The following AHDC1 variants were observed in gnomAD, a reference collection of about 807,000 sequenced individuals.
AHDC1 encodes the protein AT-hook DNA binding motif containing 1, also known as transcription factor Gibbin.
In AHDC1, 7 loss-of-function variants were observed where a neutral mutation model predicts 87.9. That is an observed-to-expected ratio of 0.08 (90% CI 0.05 to 0.15). The LOEUF (loss-of-function observed/expected upper bound fraction) is 0.15, where lower values mean the gene tolerates loss of function less well. Ranked by LOEUF, AHDC1 falls within the 10% of genes least tolerant of loss-of-function variation. The probability of loss-of-function intolerance (pLI) is 1.00; values close to 1 mark genes in which losing one functional copy is unlikely to be tolerated. For missense variants in AHDC1, 1,841 were observed against 2,253.2 expected, an observed-to-expected ratio of 0.82 and a Z score of 3.70; for synonymous variants, 1,051 against 1,006.8, an observed-to-expected ratio of 1.04 and a Z score of -0.83.
At chr1:27,584,702 C>T (rs754831800) in intron 3 of AHDC1, among the ~76,000 whole-genome samples, 1 of 152,128 alleles carries the variant, frequency 6.6e-6, no homozygotes, top group Non-Finnish European at 1.5e-5. Flanking sequence ...ACACTCCTAG[C>T]GAGGCACAGC....
intron 3 of AHDC1, among the ~76,000 whole-genome samples, chr1:27,559,626 T>G (rs2019977349): frequency 6.6e-6 from 1 of 152,244 alleles, no homozygotes; most frequent in African/African-American, 2.4e-5. Context: ...AACAGGTTAC[T>G]GACAATGCAG....
chr1:27,573,912 G>T (rs1266655741), intron 3 of AHDC1, among the ~76,000 whole-genome samples: 1 of 152,186 alleles, frequency 6.6e-6, no homozygotes, highest in East Asian at 1.9e-4. Context: ...CAACAAATGG[G>T]GCCTTGAGCT....
At position 27,576,646 on chromosome 1, in the gene AHDC1, T is replaced by C. The variant is rs185252410; in HGVS notation, c.-628-17763A>G. On this transcript the variant is annotated intron_variant, in intron 3 of 8. Coordinates refer to ENST00000673934, the MANE Select transcript of AHDC1 (RefSeq NM_001371928.1). ...TAACCACTGAACACAGTGTTCACCC[T>C]GACACAGGCAGGACAAGCATTGCTG... Among the ~76,000 whole-genome samples the C allele has an allele frequency of 4.1e-3, 621 of 152,338 alleles. 2 individuals carry two copies. The highest frequency in any genetic ancestry group is 6.7e-3 in the Non-Finnish European group (456 of 68,022).
chr1:27,565,249 C>A lies in AHDC1; in HGVS notation c.-628-6366G>T, dbSNP rs575244848. On this transcript the variant is annotated intron_variant, in intron 3 of 8. Coordinates refer to ENST00000673934, the MANE Select transcript of AHDC1 (RefSeq NM_001371928.1). The surrounding 1 kb of genome is among the most constrained non-coding windows in gnomAD (Gnocchi z 4.6). ...CCTCCCCCAGGCACCCCTACTCCCC[C>A]GCCTGGCCCCTTGGTGAGTAGTGCC... Among the ~76,000 whole-genome samples, 2 of 152,264 alleles carry A rather than the reference C, an allele frequency of 1.3e-5. No individual in the cohort carries two copies. The highest frequency in any genetic ancestry group is 4.8e-5 in the African/African-American group (2 of 41,560).
At chr1:27,570,203 C>G (rs562998858) in intron 3 of AHDC1, among the ~76,000 whole-genome samples, 4 of 152,178 alleles carry the variant, frequency 2.6e-5, no homozygotes, top group African/African-American at 9.6e-5. Flanking sequence ...CCTGCCCAAG[C>G]TGCCCTGCCG....
rs1442296995 is a variant in AHDC1 at position 27,598,529 on chromosome 1, G to A, written c.-629+4868C>T. 1.3e-5 allele frequency among the ~76,000 whole-genome samples: 2 copies of A among 152,158 alleles called. No homozygotes were observed. Among genetic ancestry groups the A allele is most frequent in the Non-Finnish European group, 2.9e-5 (2 of 67,976 alleles). ...GGGCTTCCTGTCAGCTGGGCTGGAG[G>A]GGGGCTCCTTCCCTCCTCCTTTCCA... On this transcript the variant is annotated intron_variant, in intron 3 of 8. Coordinates refer to ENST00000673934, the MANE Select transcript of AHDC1 (RefSeq NM_001371928.1). This position sits in a 1 kb window ranked among gnomAD's most constrained non-coding sequence, Gnocchi z 4.2.
In AHDC1 at chr1:27,549,250, G is replaced by A. The variant is rs1368457816; in HGVS notation, c.2866C>T (p.Arg956Cys). 20 of 1,603,628 alleles carry A rather than the reference G, an allele frequency of 1.2e-5. No homozygotes were observed. Among genetic ancestry groups the A allele is most frequent in the African/African-American group, 2.7e-5 (2 of 74,780 alleles). The change falls in exon 8 of 9, where the codon CGC (arginine) becomes TGC (cysteine). Residue 956 changes from arginine (R) to cysteine (C), a missense_variant. Around this residue, in one of 13 missense-constraint regions of AHDC1, gnomAD observed 378 missense variants for 399.0 expected, o/e 0.95. Transcript: ENST00000673934. ...KLVPPPSAMA[R>C]SPTTHPPANT... The stretch of plus-strand genomic sequence containing the variant: ...GCAGGCGGGTGGGTGGTAGGTGAGC[G>A]GGCCATGGCTGAGGGCGGGGGCACC...
intron 3 of AHDC1, among the ~76,000 whole-genome samples, chr1:27,591,194 G>C (rs1206509341): frequency 6.6e-6 from 1 of 152,166 alleles, no homozygotes; most frequent in Non-Finnish European, 1.5e-5. Flanking sequence ...TGGCCCTAAG[G>C]AGTCTGCCAA....
chr1:27,536,136 A>G (rs2018629872), intron 8 of AHDC1, among the ~76,000 whole-genome samples: 1 of 142,802 alleles, frequency 7.0e-6, no homozygotes. Flanking sequence ...CGGCGGCAGA[A>G]AGCCTCTCCT....
At chr1:27,570,357 TACTG>T (rs993018908) in intron 3 of AHDC1, among the ~76,000 whole-genome samples, 4 of 148,940 alleles carry the variant, frequency 2.7e-5, no homozygotes, top group South Asian at 2.1e-4. Context: ...CACCCAGGGC[TACTG>T]ACTAACAGGA....
intron 3 of AHDC1, among the ~76,000 whole-genome samples, chr1:27,602,373 T>C (rs566782321): frequency 5.5e-4 from 83 of 152,178 alleles, no homozygotes; most frequent in African/African-American, 1.9e-3. Flanking sequence ...GCTGGCCCCT[T>C]CGCCTGGCAG....
chr1:27,602,924 C>G (rs915278055), intron 3 of AHDC1, among the ~76,000 whole-genome samples: 6 of 150,650 alleles, frequency 4.0e-5, no homozygotes, highest in African/African-American at 1.5e-4. Context: ...GCAGTCTCCC[C>G]TTTTCCCAGC....
At chr1:27,582,867 C>A (rs1046824761) in intron 3 of AHDC1, among the ~76,000 whole-genome samples, 6 of 152,168 alleles carry the variant, frequency 3.9e-5, no homozygotes, top group African/African-American at 1.4e-4. Flanking sequence ...CAGAGCCTGC[C>A]TTCTTGATCA....
At chr1:27,543,711 G>A (rs1205997637) in intron 8 of AHDC1, among the ~76,000 whole-genome samples, 1 of 152,174 alleles carries the variant, frequency 6.6e-6, no homozygotes, top group Non-Finnish European at 1.5e-5. Flanking sequence ...TTGGGAGGCT[G>A]AGGCAGGTGA....
At chr1:27,602,565 A>G (rs1200397529) in intron 3 of AHDC1, among the ~76,000 whole-genome samples, 1 of 152,084 alleles carries the variant, frequency 6.6e-6, no homozygotes, top group Non-Finnish European at 1.5e-5. Context: ...CAGCAGGGGA[A>G]GGCGCCCTCA....
chr1:27,581,123 C>T (rs2088895933), intron 3 of AHDC1, among the ~76,000 whole-genome samples: 1 of 151,976 alleles, frequency 6.6e-6, no homozygotes, highest in Non-Finnish European at 1.5e-5. Flanking sequence ...GTGTAAGCCA[C>T]CACGTCCCGC....
chr1:27,557,684 C>A (rs988061386), intron 5 of AHDC1, among the ~76,000 whole-genome samples: 7 of 152,198 alleles, frequency 4.6e-5, no homozygotes, highest in African/African-American at 1.4e-4. Flanking sequence ...GTATTCAGAT[C>A]TTGTCTATAC....
chr1:27,585,593 C>T (rs910339078), intron 3 of AHDC1, among the ~76,000 whole-genome samples: 1 of 152,170 alleles, frequency 6.6e-6, no homozygotes, highest in Non-Finnish European at 1.5e-5. Flanking sequence ...AGCCCCTGTT[C>T]CAAACAGATA....
At position 27,590,512 on chromosome 1, in the gene AHDC1, C is replaced by T. The variant is rs756262496; in HGVS notation, c.-629+12885G>A. Reference sequence around the variant, plus strand: ...ACCCCCACCACCCCTCAGCACACACCCAGCCTGGGTTCTGCACCTCACCTC... The same window carrying T: ...ACCCCCACCACCCCTCAGCACACACTCAGCCTGGGTTCTGCACCTCACCTC... On this transcript the variant is annotated intron_variant, in intron 3 of 8. Coordinates refer to ENST00000673934, the MANE Select transcript of AHDC1 (RefSeq NM_001371928.1). This position sits in a 1 kb window ranked among gnomAD's most constrained non-coding sequence, Gnocchi z 5.4. 6.6e-6 allele frequency among the ~76,000 whole-genome samples: 1 copy of T among 152,018 alleles called. No individual in the cohort carries two copies. Among genetic ancestry groups the T allele is most frequent in the Non-Finnish European group, 1.5e-5 (1 of 67,978 alleles).
Sources: allele counts gnomAD v4.1 joint callset (sites outside exome capture counted in the v4.1 genomes callset), GRCh38; gene constraint gnomAD v4.1.1; regional missense constraint gnomAD v4.1.1; non-coding constraint Gnocchi (gnomAD v3.1); transcripts MANE v1.5; gene names NCBI Gene and HGNC (gene_info 2026-07-23, HGNC 2026-07-21).